ACTR3: variants seen among roughly 807,000 people sequenced by gnomAD.
ACTR3 encodes the protein actin-related protein 3.
ACTR3 carries 12 observed loss-of-function variants against 56.8 expected under a neutral mutation model. The ratio of observed to expected loss-of-function variants is 0.21; its 90% CI spans 0.14 to 0.34. The LOEUF is 0.34. Among genes scored for constraint, ACTR3 ranks in the 10% least tolerant of loss-of-function variants. The probability of loss-of-function intolerance (pLI) is 1.00; values close to 1 mark genes in which losing one functional copy is unlikely to be tolerated. For missense variants in ACTR3, 282 were observed against 512.5 expected, an observed-to-expected ratio of 0.55 and a Z score of 4.34; for synonymous variants, 162 against 167.4, an observed-to-expected ratio of 0.97 and a Z score of 0.25.
chr2:113,893,598 G>GT (rs903868243), intron 1 of ACTR3, among the ~76,000 whole-genome samples: 2 of 151,834 alleles, frequency 1.3e-5, no homozygotes, highest in East Asian at 1.9e-4. Flanking sequence ...AGCCTTAAAG[G>GT]TTTTTTTTAA....
intron 11 of ACTR3, 94 bp downstream of exon 11, chr2:113,955,800 T>C: frequency 1.0e-6 from 1 of 960,538 alleles, no homozygotes; most frequent in Non-Finnish European, 1.5e-6. Flanking sequence ...CAGGCTGGAG[T>C]GCAATGGCAT....
intron 8 of ACTR3, among the ~76,000 whole-genome samples, chr2:113,943,106 G>A (rs1378416491): frequency 2.0e-5 from 3 of 152,180 alleles, no homozygotes. Flanking sequence ...AAAGAGATGA[G>A]TATTTAAACA....
chr2:113,894,222 A>T (rs1266619818), intron 1 of ACTR3, among the ~76,000 whole-genome samples: 1 of 151,810 alleles, frequency 6.6e-6, no homozygotes, highest in East Asian at 1.9e-4. Flanking sequence ...CCTCCCAAGT[A>T]GCTGGGATTA....
In ACTR3 at chr2:113,957,745, A is replaced by G. The variant is rs182465176; in HGVS notation, c.*290A>G. 1.2e-3 allele frequency: 366 copies of G among 308,822 alleles called. 1 individual carries two copies. The highest frequency in any genetic ancestry group is 9.3e-3 in the Middle Eastern group (9 of 972). The allele number at this position is 308,822 out of a possible 1,614,324, so 19.1% of individuals were successfully genotyped here. Reference sequence around the variant, plus strand: ...TATTTTGTATATTAATGAATTATCCAAGATTCGATGGGATTTATCAGTGTG... The same window carrying G: ...TATTTTGTATATTAATGAATTATCCGAGATTCGATGGGATTTATCAGTGTG... On this transcript the variant is annotated 3_prime_UTR_variant, in exon 12 of 12. Coordinates refer to ENST00000263238, the MANE Select transcript of ACTR3 (RefSeq NM_005721.5).
chr2:113,894,850 G>T (rs1032119662), intron 1 of ACTR3, among the ~76,000 whole-genome samples: 1 of 152,166 alleles, frequency 6.6e-6, no homozygotes, highest in Non-Finnish European at 1.5e-5. Flanking sequence ...ATTTGGACCT[G>T]AGTTCTGTAT....
At chr2:113,913,151 A>G (rs777418208) in intron 1 of ACTR3, 21 bp from the exon 2 acceptor site, 1 of 1,483,996 alleles carries the variant, frequency 6.7e-7, no homozygotes. Flanking sequence ...TGAAATCTTT[A>G]TAAATTATTT....
chr2:113,890,593 C>G, intron 1 of ACTR3: 1 of 1,341,486 alleles, frequency 7.5e-7, no homozygotes, highest in East Asian at 3.1e-5. Context: ...CCCGGCCCTT[C>G]CCCCACTACG....
At chr2:113,935,242 T>A (rs1679805841) in intron 6 of ACTR3, among the ~76,000 whole-genome samples, 1 of 148,012 alleles carries the variant, frequency 6.8e-6, no homozygotes, top group Non-Finnish European at 1.5e-5. Context: ...ATTCACTTCT[T>A]TAGAGTGTAC....
chr2:113,890,421 C>T, intron 1 of ACTR3, 98 bp downstream of exon 1: 2 of 1,357,824 alleles, frequency 1.5e-6, no homozygotes, highest in South Asian at 1.4e-5. Context: ...CGGCGAGGTG[C>T]CGCCGCCGGC....
rs183035450 is a variant in ACTR3 at position 113,942,159 on chromosome 2, A to T, written c.685-27A>T. Reference sequence around the variant, plus strand: ...TACTGTTCCTATAATAAGCAAAAAAAGTTACTTTTGTTTCTTTGTTTTTCA... The same window carrying T: ...TACTGTTCCTATAATAAGCAAAAAATGTTACTTTTGTTTCTTTGTTTTTCA... On this transcript the variant is annotated intron_variant, in intron 7 of 11. Coordinates refer to ENST00000263238, the MANE Select transcript of ACTR3 (RefSeq NM_005721.5). The T allele has an allele frequency of 2.1e-3, 3,274 of 1,536,672 alleles. 8 individuals carry two copies. The highest frequency in any genetic ancestry group is 2.5e-3 in the Non-Finnish European group (2,895 of 1,153,124).
chr2:113,938,110 C>G (rs982670414), intron 6 of ACTR3, among the ~76,000 whole-genome samples: 2 of 151,936 alleles, frequency 1.3e-5, no homozygotes, highest in African/African-American at 4.8e-5. Context: ...GTGTAGTCCA[C>G]TGTAATCTCA....
chr2:113,933,337 C>T (rs909824991), intron 5 of ACTR3, among the ~76,000 whole-genome samples: 6 of 151,934 alleles, frequency 3.9e-5, no homozygotes, highest in Non-Finnish European at 7.4e-5. Context: ...GGTGAAACCC[C>T]GTCTCTACTG....
chr2:113,947,555 G>C (rs1322754237), intron 8 of ACTR3, among the ~76,000 whole-genome samples: 7 of 152,204 alleles, frequency 4.6e-5, no homozygotes, highest in Non-Finnish European at 8.8e-5. Context: ...TTGGGAGGCT[G>C]AGGTGAGAGT....
chr2:113,921,983 G>A (rs146535311), intron 3 of ACTR3, among the ~76,000 whole-genome samples: 1 of 152,326 alleles, frequency 6.6e-6, no homozygotes, highest in African/African-American at 2.4e-5. Context: ...GGGTAGATAT[G>A]TAGAGGTAAA....
chr2:113,905,752 T>C (rs1679180880), intron 1 of ACTR3, among the ~76,000 whole-genome samples: 2 of 152,212 alleles, frequency 1.3e-5, no homozygotes, highest in Admixed American at 1.3e-4. Flanking sequence ...AATTGTACAA[T>C]AGTTGTCCTT....
chr2:113,913,403 T>C (rs1052265715), intron 2 of ACTR3, among the ~76,000 whole-genome samples, 176 bp downstream of exon 2: 1 of 152,104 alleles, frequency 6.6e-6, no homozygotes, highest in African/African-American at 2.4e-5. Context: ...TCATTTCAGC[T>C]TTATGTTTAG....
At position 113,959,236 on chromosome 2, in the gene ACTR3, T is replaced by C. The variant is rs1383077009; in HGVS notation, c.*1781T>C. ...TTGTAATTTTCTGTGTAGGTAGAAATAAATGTAGCTTTCTTATTTTACACA... is the reference window on the plus strand; with the variant it reads ...TTGTAATTTTCTGTGTAGGTAGAAACAAATGTAGCTTTCTTATTTTACACA... On this transcript the variant is annotated 3_prime_UTR_variant, in exon 12 of 12. Transcript: ENST00000263238. 6.6e-6 allele frequency: 1 copy of C among 152,040 alleles called. No homozygotes were observed. The highest frequency in any genetic ancestry group is 2.4e-5 in the African/African-American group (1 of 41,434). The allele number at this position is 152,040 out of a possible 1,614,324, so 9.4% of individuals were successfully genotyped here.
rs554499386 is a variant in ACTR3 at position 113,895,932 on chromosome 2, C to CACTGCATCCTCAA, written c.44+5613_44+5625dup. Among the ~76,000 whole-genome samples the CACTGCATCCTCAA allele has an allele frequency of 2.1e-3, 321 of 152,228 alleles. 11 individuals carry two copies. The highest frequency in any genetic ancestry group is 0.018 in the Admixed American group (282 of 15,292). On this transcript the variant is annotated intron_variant, in intron 1 of 11. Transcript: ENST00000263238. ...GGAGTTCAATGGCAAGATCATGGCT[C>CACTGCATCCTCAA]ACTGCATCCTCAAACTCCTATGTTC...
intron 1 of ACTR3, among the ~76,000 whole-genome samples, chr2:113,912,539 A>G (rs1679326924): frequency 6.6e-6 from 1 of 152,224 alleles, no homozygotes; most frequent in South Asian, 2.1e-4. Context: ...GTATGAAACA[A>G]TGTACAATGA....
Sources: gnomAD v4.1 joint callset for allele counts (sites outside exome capture counted in the v4.1 genomes callset) on GRCh38, gnomAD v4.1.1 for gene constraint, MANE v1.5 for transcripts, NCBI Gene and HGNC (gene_info 2026-07-23, HGNC 2026-07-21) for gene names.